ZNF787: variants seen among roughly 807,000 people sequenced by gnomAD.
ZNF787 encodes the protein TTF-I-interacting peptide 20.
Under a neutral mutation model 16.9 loss-of-function variants are expected in ZNF787, and 7 were observed. The observed-to-expected ratio is 0.42, with a 90% confidence interval of 0.24 to 0.78. The LOEUF is 0.78. Among genes scored for constraint, ZNF787 ranks in the 30% least tolerant of loss-of-function variants. The pLI, the probability that ZNF787 is intolerant of heterozygous loss-of-function variation, is 0.30. For missense variants in ZNF787, 551 were observed against 589.3 expected, an observed-to-expected ratio of 0.94 and a Z score of 0.67; for synonymous variants, 345 against 270.9, an observed-to-expected ratio of 1.27 and a Z score of -2.69.
At chr19:56,098,812 C>G (rs962326960) in intron 2 of ZNF787, among the ~76,000 whole-genome samples, 2 of 132,882 alleles carry the variant, frequency 1.5e-5, no homozygotes, top group Non-Finnish European at 3.4e-5. Flanking sequence ...GGTGATGCTG[C>G]CCGGGTGATT....
intron 1 of ZNF787, among the ~76,000 whole-genome samples, chr19:56,107,078 A>G (rs1426496440): frequency 2.0e-5 from 3 of 152,048 alleles, no homozygotes; most frequent in Admixed American, 6.5e-5. Flanking sequence ...GTCACTGGGC[A>G]GCCCCTGGCC....
chr19:56,108,233 TGCTCCCTCCACCTCGCCCCTGCCCAGC>T (rs2029884534), intron 1 of ZNF787, among the ~76,000 whole-genome samples: 1 of 146,488 alleles, frequency 6.8e-6, no homozygotes, highest in African/African-American at 2.6e-5. Context: ...CCCTGCCCAG[TGCTCCCTCCACCTCGCCCCTGCCCAGC>T]ACTCCCTGGC....
At chr19:56,101,493 G>A (rs539691660) in intron 2 of ZNF787, among the ~76,000 whole-genome samples, 3 of 152,368 alleles carry the variant, frequency 2.0e-5, no homozygotes, top group East Asian at 3.9e-4. Context: ...GAGTGTATGA[G>A]TGACTTGTAA....
rs1985451560 is a variant in ZNF787, at chr19:56,088,728, C to T, written c.444G>A (p.Lys148=). 1.2e-6 allele frequency: 2 copies of T among 1,609,526 alleles called. No homozygotes were observed. The highest frequency in any genetic ancestry group is 1.7e-5 in the Admixed American group (1 of 59,664). ...GGCCGCAGTCGGGGCAGGTGTAGGG[C>T]TTCTCGCCCGTGTGGATGCGCTGGT... ...MQHQRIHTGE[K]PYTCPDCGRS... is the part of the protein sequence containing the mutation. The change falls in exon 3 of 3, where the codon AAG becomes AAA. Residue 148 remains lysine, a synonymous_variant. Transcript: ENST00000610935. The surrounding 1 kb of genome is among the most constrained non-coding windows in gnomAD (Gnocchi z 8.6).
intron 2 of ZNF787, among the ~76,000 whole-genome samples, chr19:56,099,710 CAA>C (rs10683508): frequency 3.8e-5 from 4 of 106,602 alleles, no homozygotes; most frequent in Non-Finnish European, 5.5e-5. Context: ...GGCTCCGTCT[CAA>C]AAAAAAAAAA....
chr19:56,109,223 G>A (rs766806700), intron 1 of ZNF787, among the ~76,000 whole-genome samples: 16 of 152,214 alleles, frequency 1.1e-4, no homozygotes, highest in South Asian at 2.1e-4. Context: ...CTGGGGCTAC[G>A]TATCGGAACT....
chr19:56,120,545 G>A (rs918986582), intron 1 of ZNF787, among the ~76,000 whole-genome samples: 3 of 152,170 alleles, frequency 2.0e-5, no homozygotes, highest in Non-Finnish European at 2.9e-5. Flanking sequence ...CTGCCGGCCA[G>A]AATCCCCGTA....
chr19:56,107,681 A>AG (rs574113297), intron 1 of ZNF787, among the ~76,000 whole-genome samples: 110 of 18,156 alleles, frequency 6.1e-3, no homozygotes, highest in African/African-American at 0.022. Flanking sequence ...CAGAAAAGGG[A>AG]GGGGGGTCTA....
At chr19:56,095,544 C>T (rs561481773) in intron 2 of ZNF787, among the ~76,000 whole-genome samples, 3 of 152,302 alleles carry the variant, frequency 2.0e-5, no homozygotes, top group African/African-American at 4.8e-5. Context: ...CAGGTAAAAA[C>T]GCTGCAACCA....
chr19:56,089,740 G>A (rs1985500869), intron 2 of ZNF787, among the ~76,000 whole-genome samples: 1 of 152,218 alleles, frequency 6.6e-6, no homozygotes, highest in East Asian at 1.9e-4. Flanking sequence ...TCAGCCCCTG[G>A]TGTGGGGGCT....
At chr19:56,107,112 C>G (rs1470460416) in intron 1 of ZNF787, among the ~76,000 whole-genome samples, 2 of 152,186 alleles carry the variant, frequency 1.3e-5, no homozygotes, top group Non-Finnish European at 2.9e-5. Context: ...GTTCCAGGCA[C>G]TGCTCTAAAC....
chr19:56,087,620 C>T lies in ZNF787; in HGVS notation c.*403G>A, dbSNP rs746137771. 24 of 165,298 alleles carry T rather than the reference C, an allele frequency of 1.5e-4. No homozygotes were observed. Among genetic ancestry groups the T allele is most frequent in the Non-Finnish European group, 1.9e-4 (15 of 77,024 alleles). 10.2% of individuals were successfully genotyped at this position (165,298 alleles called of 1,614,324 possible). A position where few individuals can be genotyped will look rare whatever the true frequency, so the allele number is the denominator to read the frequency against. ...AAAAGGGCCCCTGGTTCTCTTCCCT[C>T]TCTGGGATCCTCTAAAGGGCCTGGT... On this transcript the variant is annotated 3_prime_UTR_variant, in exon 3 of 3. Coordinates refer to ENST00000610935, the MANE Select transcript of ZNF787 (RefSeq NM_001002836.4).
intron 1 of ZNF787, among the ~76,000 whole-genome samples, chr19:56,117,502 C>G (rs975627712): frequency 2.0e-5 from 3 of 152,176 alleles, no homozygotes; most frequent in African/African-American, 7.2e-5. Flanking sequence ...ACAGCCACAG[C>G]GAGGCTTCCA....
chr19:56,088,153 G>C lies in ZNF787; in HGVS notation c.1019C>G (p.Ala340Gly), dbSNP rs1429014244. ...AALRRHKKIH[A>G]VGAPSVCSSC... ...GCTGCAGACCGAGGGCGCGCCCACCGCGTGGATCTTCTTGTGTCTCCGGAG... is the reference window on the plus strand; with the variant it reads ...GCTGCAGACCGAGGGCGCGCCCACCCCGTGGATCTTCTTGTGTCTCCGGAG... Residue 340 changes from alanine (A) to glycine (G), a missense_variant, in exon 3 of 3, where the codon GCG (alanine) becomes GGG (glycine). By Grantham distance (60) the Ala-to-Gly change is moderately conservative (BLOSUM62 0). Coordinates refer to ENST00000610935, the MANE Select transcript of ZNF787 (RefSeq NM_001002836.4). This position sits in a 1 kb window ranked among gnomAD's most constrained non-coding sequence, Gnocchi z 8.6. The C allele has an allele frequency of 1.9e-6, 3 of 1,552,996 alleles. No individual in the cohort carries two copies. The highest frequency in any genetic ancestry group is 2.6e-6 in the Non-Finnish European group (3 of 1,154,934).
Position 56,088,260 on chromosome 19 carries a change from C to G in ZNF787, c.912G>C (p.Gly304=). The change falls in exon 3 of 3, where the codon GGG becomes GGC. Residue 304 remains glycine, a synonymous_variant. Transcript: ENST00000610935. The surrounding 1 kb of genome is among the most constrained non-coding windows in gnomAD (Gnocchi z 8.6). ...GLLAHQRAQH[G]DGLGAAGGEE... is the part of the protein sequence containing the mutation. ...CGCCCCCCGCCGCCCCGAGCCCGTC[C>G]CCGTGCTGGGCCCGCTGGTGCGCCA... 6.9e-7 allele frequency: 1 copy of G among 1,447,328 alleles called. No homozygotes were observed. The highest frequency in any genetic ancestry group is 9.1e-7 in the Non-Finnish European group (1 of 1,102,924). 89.7% of individuals were successfully genotyped at this position (1,447,328 alleles called of 1,614,324 possible).
At chr19:56,092,337 G>A (rs893669271) in intron 2 of ZNF787, among the ~76,000 whole-genome samples, 1 of 152,106 alleles carries the variant, frequency 6.6e-6, no homozygotes, top group Non-Finnish European at 1.5e-5. Context: ...CACTATCACT[G>A]TCCTCTCACT....
intron 2 of ZNF787, among the ~76,000 whole-genome samples, chr19:56,094,335 T>G (rs1402055395): frequency 1.3e-5 from 2 of 151,872 alleles, no homozygotes. Context: ...CCTGGCTAAT[T>G]TTGTGTGTGT....
At chr19:56,116,681 G>C (rs1238309802) in intron 1 of ZNF787, among the ~76,000 whole-genome samples, 1 of 151,754 alleles carries the variant, frequency 6.6e-6, no homozygotes, top group Non-Finnish European at 1.5e-5. Flanking sequence ...CCCTCTGCTG[G>C]GCCAACAGGG....
rs1478917840 is a variant in ZNF787, at chr19:56,087,402, C to G, written c.*621G>C. On this transcript the variant is annotated 3_prime_UTR_variant, in exon 3 of 3. Coordinates refer to ENST00000610935, the MANE Select transcript of ZNF787 (RefSeq NM_001002836.4). ...AGTGCCGTTTATTGTTCCAGCACCCCTTCCTCCACCACGCCCAGGCCTGGG... is the reference window on the plus strand; with the variant it reads ...AGTGCCGTTTATTGTTCCAGCACCCGTTCCTCCACCACGCCCAGGCCTGGG... The G allele has an allele frequency of 6.6e-6, 1 of 152,310 alleles. No individual in the cohort carries two copies. Among genetic ancestry groups the G allele is most frequent in the Non-Finnish European group, 1.5e-5 (1 of 68,158 alleles). 9.4% of individuals were successfully genotyped at this position (152,310 alleles called of 1,614,324 possible). A position where few individuals can be genotyped will look rare whatever the true frequency, so the allele number is the denominator to read the frequency against.
Sources: allele counts gnomAD v4.1 joint callset (sites outside exome capture counted in the v4.1 genomes callset), GRCh38; gene constraint gnomAD v4.1.1; non-coding constraint Gnocchi (gnomAD v3.1); transcripts MANE v1.5; gene names NCBI Gene and HGNC (gene_info 2026-07-23, HGNC 2026-07-21).